CRYBG1: variants seen among roughly 807,000 people sequenced by gnomAD.
The protein encoded by CRYBG1 is beta/gamma crystallin domain-containing protein 1.
Under a neutral mutation model 189.2 loss-of-function variants are expected in CRYBG1, and 139 were observed. The observed-to-expected ratio is 0.73, with a 90% CI of 0.64 to 0.85. The LOEUF is 0.85. CRYBG1 is among the 40% of genes least tolerant of loss of function. The probability of loss-of-function intolerance (pLI) is 0.00; values close to 1 mark genes in which losing one functional copy is unlikely to be tolerated. For synonymous variants in CRYBG1, 1,023 were observed against 1,017.1 expected (o/e 1.01, Z -0.11); for missense variants, 2,611 against 2,675.8 (o/e 0.98, Z 0.53).
At chr6:106,445,355 T>G (rs1370060334) in intron 1 of CRYBG1, among the ~76,000 whole-genome samples, 19 of 152,206 alleles carry the variant, frequency 1.2e-4, no homozygotes, top group Non-Finnish European at 2.5e-4. Context: ...ACTCTGTCAT[T>G]AGCCGTGTGA....
intron 13 of CRYBG1, among the ~76,000 whole-genome samples, chr6:106,549,633 G>A (rs1399092246): frequency 6.6e-6 from 1 of 151,818 alleles, no homozygotes; most frequent in African/African-American, 2.4e-5. Flanking sequence ...AATTGCTAGT[G>A]AGGTTCTGAA....
intron 8 of CRYBG1, among the ~76,000 whole-genome samples, chr6:106,530,829 G>A (rs1185184087): frequency 6.6e-6 from 1 of 152,182 alleles, no homozygotes; most frequent in Non-Finnish European, 1.5e-5. Context: ...AGGATAGAAA[G>A]TATAGACTGC....
Position 106,554,307 on chromosome 6 carries a change from C to T in CRYBG1, c.5585+740C>T, listed in dbSNP as rs541957606. ...GTATTGCACAGCAAAAAAGCACTGA[C>T]TTTGCATTCAAATACACAGATGGAG... On this transcript the variant is annotated intron_variant, in intron 16 of 21. Coordinates refer to ENST00000633556, the MANE Select transcript of CRYBG1 (RefSeq NM_001371242.2). Among the ~76,000 whole-genome samples the T allele has an allele frequency of 4.6e-5, 7 of 152,298 alleles. No individual in the cohort carries two copies. The South Asian group carries it at 6.2e-4, about 14-fold the overall frequency.
chr6:106,365,680 A>AT (rs10714082), intron 1 of CRYBG1, among the ~76,000 whole-genome samples: 11 of 132,464 alleles, frequency 8.3e-5, no homozygotes, highest in South Asian at 2.5e-4. Flanking sequence ...AAGAACCTGT[A>AT]TTTTTTTTTA....
At chr6:106,548,701 T>C (rs952847835) in intron 13 of CRYBG1, among the ~76,000 whole-genome samples, 4 of 152,224 alleles carry the variant, frequency 2.6e-5, no homozygotes, top group African/African-American at 9.6e-5. Flanking sequence ...TCGTTGTTTT[T>C]TTAAAGTCCT....
chr6:106,453,861 G>A (rs1017264629), intron 2 of CRYBG1, among the ~76,000 whole-genome samples: 7 of 152,178 alleles, frequency 4.6e-5, no homozygotes, highest in Admixed American at 2.6e-4. Context: ...TGGGAGAGGC[G>A]GAGGCTTGAA....
At chr6:106,553,637 A>G in intron 16 of CRYBG1, 70 bp downstream of exon 16, 4 of 1,031,888 alleles carry the variant, frequency 3.9e-6, no homozygotes, top group Non-Finnish European at 6.1e-6. Flanking sequence ...CAGCAAGTAT[A>G]TAGTGATGCC....
chr6:106,505,042 T>C (rs902340903), intron 2 of CRYBG1, among the ~76,000 whole-genome samples: 3 of 150,442 alleles, frequency 2.0e-5, no homozygotes, highest in Admixed American at 6.6e-5. Context: ...CTCTACCTCC[T>C]GGGTTCAAGT....
intron 1 of CRYBG1, among the ~76,000 whole-genome samples, chr6:106,384,301 A>G (rs558426598): frequency 1.3e-5 from 2 of 152,182 alleles, no homozygotes; most frequent in Admixed American, 6.5e-5. Flanking sequence ...GACCAGTTTC[A>G]TGGAAGATGA....
chr6:106,544,837 C>A lies in CRYBG1; in HGVS notation c.5216C>A (p.Ser1739Tyr). The A allele has an allele frequency of 6.2e-6, 10 of 1,611,924 alleles. No homozygotes were observed. Among genetic ancestry groups the A allele is most frequent in the Non-Finnish European group, 8.5e-6 (10 of 1,179,502 alleles). ...MIMYSEKNFG[S>Y]KGSSIDVLGI... ...ATGTACAGTGAAAAAAACTTTGGATCCAAAGGTTCCAGTATTGATGTATTG... is the reference window on the plus strand; with the variant it reads ...ATGTACAGTGAAAAAAACTTTGGATACAAAGGTTCCAGTATTGATGTATTG... Residue 1739 changes from serine to tyrosine, a missense_variant, in exon 13 of 22, where the codon TCC (serine) becomes TAC (tyrosine). By Grantham distance (144) the Ser-to-Tyr change is moderately radical. This residue lies in a region of CRYBG1 where 1,622 missense variants were observed against 1,735.0 expected (regional missense o/e 0.93). Transcript: ENST00000633556.
Position 106,530,322 on chromosome 6 carries a change from A to T in CRYBG1, c.4718+7A>T, listed in dbSNP as rs1562107215. On this transcript the variant is annotated splice_region_variant and intron_variant, in intron 8 of 21. Transcript: ENST00000633556. ...TGAAAGTACATTGGGGCACGTAAGTATTTTTTTTTCAAACAAATTTTAATG... is the reference window on the plus strand; with the variant it reads ...TGAAAGTACATTGGGGCACGTAAGTTTTTTTTTTTCAAACAAATTTTAATG... 6.3e-7 allele frequency: 1 copy of T among 1,577,064 alleles called. No homozygotes were observed. Among genetic ancestry groups the T allele is most frequent in the Non-Finnish European group, 8.6e-7 (1 of 1,159,520 alleles).
At chr6:106,483,540 G>A (rs1481828295) in intron 2 of CRYBG1, among the ~76,000 whole-genome samples, 1 of 151,796 alleles carries the variant, frequency 6.6e-6, no homozygotes, top group African/African-American at 2.4e-5. Flanking sequence ...CCCAGCAATG[G>A]GATTGCTGGA....
intron 1 of CRYBG1, among the ~76,000 whole-genome samples, chr6:106,362,673 T>G (rs572803940): frequency 6.6e-5 from 10 of 152,334 alleles, no homozygotes; most frequent in African/African-American, 1.9e-4. Context: ...TTTATTTTTC[T>G]CTCATATTTT....
rs146370511 is a variant in CRYBG1, at chr6:106,536,548, T to C, written c.4719-2855T>C. On this transcript the variant is annotated intron_variant, in intron 8 of 21. Transcript: ENST00000633556. ...ACTTAAGATCCATCTGGAAGTGCTG[T>C]TTTTGTTTAAGAGCAAGTGAACAAG... Among the ~76,000 whole-genome samples the C allele has an allele frequency of 5.4e-3, 818 of 152,360 alleles. 10 individuals carry two copies. The highest frequency in any genetic ancestry group is 0.019 in the African/African-American group (786 of 41,588).
intron 2 of CRYBG1, among the ~76,000 whole-genome samples, chr6:106,453,618 T>C (rs1314590666): frequency 1.3e-5 from 2 of 152,238 alleles, no homozygotes; most frequent in African/African-American, 2.4e-5. Context: ...AAAACAAAAA[T>C]AATTATTTGA....
chr6:106,424,975 G>T (rs1262876185), intron 1 of CRYBG1, among the ~76,000 whole-genome samples: 1 of 152,094 alleles, frequency 6.6e-6, no homozygotes, highest in East Asian at 1.9e-4. Context: ...ACTCTCTGAG[G>T]TGCCTCCTTT....
chr6:106,474,411 G>C (rs183030582), intron 2 of CRYBG1, among the ~76,000 whole-genome samples: 34 of 152,130 alleles, frequency 2.2e-4, no homozygotes, highest in Admixed American at 9.8e-4. Context: ...CTGCATATTT[G>C]TATAGTTATG....
At chr6:106,489,824 A>G (rs1047835172) in intron 2 of CRYBG1, among the ~76,000 whole-genome samples, 2 of 151,464 alleles carry the variant, frequency 1.3e-5, no homozygotes, top group African/African-American at 4.9e-5. Flanking sequence ...AAATGAAAAC[A>G]TTGATAATTG....
intron 1 of CRYBG1, among the ~76,000 whole-genome samples, chr6:106,391,096 C>A (rs1320877077): frequency 2.6e-5 from 4 of 152,116 alleles, no homozygotes; most frequent in Non-Finnish European, 4.4e-5. Flanking sequence ...GAGATGGAGT[C>A]TCGCTCAGTC....
Sources: gnomAD v4.1 joint callset for allele counts (sites outside exome capture counted in the v4.1 genomes callset) on GRCh38, gnomAD v4.1.1 for gene constraint, gnomAD v4.1.1 regional missense constraint, MANE v1.5 for transcripts, NCBI Gene and HGNC (gene_info 2026-07-23, HGNC 2026-07-21) for gene names.